Variants in OTOP1 observed in about 807,000 individuals in gnomAD.
The protein encoded by OTOP1 is otopetrin 1.
OTOP1 carries 59 observed loss-of-function variants against 52.9 expected under a neutral mutation model. The ratio of observed to expected loss-of-function variants is 1.12; its 90% CI spans 0.91 to 1.39. The LOEUF is 1.39. Among genes scored for constraint, OTOP1 ranks in the 40% most tolerant of loss-of-function variants. The pLI, the probability that OTOP1 is intolerant of heterozygous loss-of-function variation, is 0.00. For synonymous variants in OTOP1, 317 were observed against 337.7 expected (o/e 0.94, Z 0.67); for missense variants, 761 against 800.9 (o/e 0.95, Z 0.60).
intron 4 of OTOP1, among the ~76,000 whole-genome samples, chr4:4,198,737 T>C (rs1716709112): frequency 1.3e-5 from 2 of 152,250 alleles, no homozygotes; most frequent in African/African-American, 4.8e-5. Flanking sequence ...AGAAGCTGGC[T>C]GCGGTATGGA....
intron 2 of OTOP1, among the ~76,000 whole-genome samples, chr4:4,211,163 C>G (rs924444306): frequency 1.3e-5 from 2 of 152,194 alleles, no homozygotes; most frequent in Non-Finnish European, 2.9e-5. Context: ...GAGAAACACT[C>G]TAAGGTCATC....
intron 1 of OTOP1, among the ~76,000 whole-genome samples, chr4:4,225,096 A>T (rs1717398471): frequency 6.6e-6 from 1 of 152,236 alleles, no homozygotes; most frequent in South Asian, 2.1e-4. Context: ...ACTCTAATGG[A>T]GATTTAAATT....
At chr4:4,198,740 G>A (rs933323140) in intron 4 of OTOP1, among the ~76,000 whole-genome samples, 12 of 152,208 alleles carry the variant, frequency 7.9e-5, no homozygotes, top group East Asian at 1.9e-4. Context: ...AGCTGGCTGC[G>A]GTATGGAGGG....
In OTOP1 at chr4:4,188,855, A is replaced by G. The variant is rs1716418410; in HGVS notation, c.1787T>C (p.Phe596Ser). The G allele has an allele frequency of 3.1e-6, 5 of 1,613,952 alleles. No individual in the cohort carries two copies. The highest frequency in any genetic ancestry group is 1.7e-4 in the Middle Eastern group (1 of 6,056). Residue 596 changes from phenylalanine to serine, a missense_variant, in exon 6 of 6, where the codon TTC becomes TCC. Transcript: ENST00000296358. ...GGAGGCAGCTGCGTGCATTCGATAG[A>G]AAATAGAAAAAGGCATGGCCAGGTT... ...VVNLAMPFSI[F>S]YRMHAAASLF...
Position 4,199,168 on chromosome 4 carries a change from G to A in OTOP1, c.731-1065C>T, listed in dbSNP as rs1376162945. Among the ~76,000 whole-genome samples the A allele has an allele frequency of 4.6e-5, 7 of 151,092 alleles. No homozygotes were observed. The South Asian group carries it at 8.4e-4, about 18-fold the overall frequency. On this transcript the variant is annotated intron_variant, in intron 4 of 5. Coordinates refer to ENST00000296358, the MANE Select transcript of OTOP1 (RefSeq NM_177998.3). ...CGTGCCACTGCACTCCAGCCTAGGC[G>A]ACAGAGCGAGACTCAGTCTCAAAAT...
intron 5 of OTOP1, among the ~76,000 whole-genome samples, chr4:4,191,814 A>G (rs889253385): frequency 6.6e-6 from 1 of 152,162 alleles, no homozygotes; most frequent in African/African-American, 2.4e-5. Flanking sequence ...TAAGAGGAAG[A>G]CCAGAGATCT....
rs1301901941 is a variant in OTOP1, at chr4:4,214,923, C to A, written c.404-1919G>T. Among the ~76,000 whole-genome samples the A allele has an allele frequency of 3.3e-5, 5 of 152,110 alleles. No homozygotes were observed. The East Asian group carries it at 9.6e-4, about 29-fold the overall frequency. On this transcript the variant is annotated intron_variant, in intron 1 of 5. Transcript: ENST00000296358. ...CACCACTGAGCTGTACACTTAAAAA[C>A]TGGTAAGTTGGTAAATTTTATGTAT...
chr4:4,189,293 T>A (rs1270064907), intron 5 of OTOP1, among the ~76,000 whole-genome samples: 1 of 152,196 alleles, frequency 6.6e-6, no homozygotes, highest in Non-Finnish European at 1.5e-5. Context: ...AGATGGGAAT[T>A]CTAACACGTG....
At chr4:4,211,291 T>C (rs1296249867) in intron 2 of OTOP1, among the ~76,000 whole-genome samples, 1 of 152,162 alleles carries the variant, frequency 6.6e-6, no homozygotes, top group Non-Finnish European at 1.5e-5. Context: ...CAAAGAACCT[T>C]CTCAAACTGG....
In OTOP1 at chr4:4,197,234, A is replaced by G; in HGVS notation, c.1600T>C (p.Leu534=). 6.2e-7 allele frequency: 1 copy of G among 1,614,174 alleles called. No individual in the cohort carries two copies. The highest frequency in any genetic ancestry group is 8.5e-7 in the Non-Finnish European group (1 of 1,180,030). Residue 534 remains leucine, a synonymous_variant, in exon 5 of 6, where the codon TTA becomes CTA. Coordinates refer to ENST00000296358, the MANE Select transcript of OTOP1 (RefSeq NM_177998.3). ...SPSPVRLPRF[L]QGNAKRKVLR... is the part of the protein sequence containing the mutation. ...ACTTTTCTCTTGGCGTTGCCCTGTA[A>G]GAAACGGGGAAGGCGGACTGGGCTT...
At position 4,210,589 on chromosome 4, in the gene OTOP1, G is replaced by A. The variant is rs7690824; in HGVS notation, c.540+2279C>T. On this transcript the variant is annotated intron_variant, in intron 2 of 5. Transcript: ENST00000296358. ...CTCAGGCCTGTAATCCCAATACTTT[G>A]GGAGGCCGAGGCAGGTGGATTGCCT... is the stretch of plus-strand genomic sequence containing the variant. Among the ~76,000 whole-genome samples the A allele has an allele frequency of 7.0e-3, 1,059 of 152,280 alleles. 5 individuals are homozygous for A. Among genetic ancestry groups the A allele is most frequent in the African/African-American group, 0.024 (1,015 of 41,568 alleles).
At chr4:4,197,030 T>C in intron 5 of OTOP1, 136 bp downstream of exon 5, 2 of 953,140 alleles carry the variant, frequency 2.1e-6, no homozygotes, top group Middle Eastern at 3.4e-4. Flanking sequence ...ATTACCTGGG[T>C]GATGGGATCA....
At chr4:4,219,565 G>A (rs1200191360) in intron 1 of OTOP1, among the ~76,000 whole-genome samples, 1 of 151,920 alleles carries the variant, frequency 6.6e-6, no homozygotes, top group African/African-American at 2.4e-5. Context: ...AGCCGGGCGT[G>A]GTGGCGGGTG....
At chr4:4,189,362 G>T (rs1459081870) in intron 5 of OTOP1, among the ~76,000 whole-genome samples, 1 of 152,162 alleles carries the variant, frequency 6.6e-6, no homozygotes, top group Non-Finnish European at 1.5e-5. Context: ...ACTTTTGTTT[G>T]TGTTGTTCAC....
chr4:4,214,461 A>G lies in OTOP1; in HGVS notation c.404-1457T>C, dbSNP rs199727782. Among the ~76,000 whole-genome samples, 27 of 152,264 alleles carry G rather than the reference A, an allele frequency of 1.8e-4. No homozygotes were observed. The East Asian group carries it at 5.2e-3, about 29-fold the overall frequency. ...CATTTTCACTTCTGAGTATATACCC[A>G]AAAGAATTGAAAGCAGGGACCCTAG... is the stretch of plus-strand genomic sequence containing the variant. On this transcript the variant is annotated intron_variant, in intron 1 of 5. Coordinates refer to ENST00000296358, the MANE Select transcript of OTOP1 (RefSeq NM_177998.3).
At chr4:4,207,963 T>C (rs1304690115) in intron 2 of OTOP1, among the ~76,000 whole-genome samples, 1 of 152,210 alleles carries the variant, frequency 6.6e-6, no homozygotes, top group Non-Finnish European at 1.5e-5. Context: ...TGCATTCTTT[T>C]GAGTCTTTGA....
rs778643742 is a variant in OTOP1 at position 4,197,321 on chromosome 4, T to G, written c.1513A>C (p.Met505Leu). The change falls in exon 5 of 6, where the codon ATG becomes CTG. Residue 505 changes from methionine to leucine, a missense_variant. By Grantham distance (15) the Met-to-Leu change is conservative. Coordinates refer to ENST00000296358, the MANE Select transcript of OTOP1 (RefSeq NM_177998.3). ...MPPAANGNVC[M>L]RESHDKEEEK... ...TCCTCCTTGTCATGGCTTTCTCTCATGCACACATTTCCATTGGCTGCTGGT... is the reference window on the plus strand; with the variant it reads ...TCCTCCTTGTCATGGCTTTCTCTCAGGCACACATTTCCATTGGCTGCTGGT... The G allele has an allele frequency of 1.2e-6, 2 of 1,614,010 alleles. No individual in the cohort carries two copies. The highest frequency in any genetic ancestry group is 2.7e-5 in the African/African-American group (2 of 74,888).
At chr4:4,226,098 G>A (rs538003149) in intron 1 of OTOP1, among the ~76,000 whole-genome samples, 1 of 152,196 alleles carries the variant, frequency 6.6e-6, no homozygotes, top group Non-Finnish European at 1.5e-5. Flanking sequence ...CAAAGGAAAC[G>A]GGCCCTCGGG....
At chr4:4,216,890 G>C (rs958320172) in intron 1 of OTOP1, among the ~76,000 whole-genome samples, 7 of 152,198 alleles carry the variant, frequency 4.6e-5, no homozygotes, top group Non-Finnish European at 1.0e-4. Flanking sequence ...TCAAACTGGA[G>C]ACTGCATCAG....
Sources: allele counts gnomAD v4.1 joint callset (sites outside exome capture counted in the v4.1 genomes callset), GRCh38; gene constraint gnomAD v4.1.1; transcripts MANE v1.5; gene names NCBI Gene and HGNC (gene_info 2026-07-23, HGNC 2026-07-21).